Variants in NPY2R observed in about 807,000 individuals in gnomAD.
NPY2R encodes the protein neuropeptide Y receptor type 2.
In NPY2R, 17 loss-of-function variants were observed where a neutral mutation model predicts 22.3. The ratio of observed to expected loss-of-function variants is 0.76; its 90% CI spans 0.52 to 1.14. The LOEUF (loss-of-function observed/expected upper bound fraction) is 1.14, where lower values mean the gene tolerates loss of function less well. Among genes scored for constraint, NPY2R ranks in the 50% most tolerant of loss-of-function variants. The pLI, the probability that NPY2R is intolerant of heterozygous loss-of-function variation, is 0.00. For synonymous variants in NPY2R, 209 were observed against 183.4 expected (o/e 1.14, Z -1.13); for missense variants, 424 against 467.9 (o/e 0.91, Z 0.87).
At chr4:155,174,271 AGTGT>A in the NPY2R span, 3 of 151,836 alleles carry the variant, frequency 2.0e-5, no homozygotes, top group Admixed American at 6.6e-5. Context: ...AAAGAATTAA[AGTGT>A]ATATACCAGG....
the NPY2R span, among the ~76,000 whole-genome samples, chr4:155,189,417 C>T: frequency 6.6e-6 from 1 of 151,952 alleles, no homozygotes; most frequent in Non-Finnish European, 1.5e-5. Flanking sequence ...TCCTAGCCCC[C>T]ATCTGTTTGT....
chr4:155,206,817 T>G (rs1414028677), upstream of NPY2R: 1 of 152,254 alleles, frequency 6.6e-6, no homozygotes, highest in Non-Finnish European at 1.5e-5. Context: ...GATATTTGAT[T>G]TGTTTTTGTG....
At chr4:155,199,951 G>A in the NPY2R span, among the ~76,000 whole-genome samples, 2 of 152,132 alleles carry the variant, frequency 1.3e-5, no homozygotes, top group Admixed American at 6.5e-5. Context: ...ATAGGCATGG[G>A]CAAAGACTTC....
the NPY2R span, among the ~76,000 whole-genome samples, chr4:155,174,634 A>T: frequency 1.3e-5 from 2 of 151,932 alleles, no homozygotes; most frequent in East Asian, 3.9e-4. Context: ...GGGAACTAAA[A>T]TTATACATCC....
upstream of NPY2R, among the ~76,000 whole-genome samples, chr4:155,205,683 A>G (rs558173040): frequency 1.1e-4 from 16 of 152,304 alleles, no homozygotes; most frequent in East Asian, 3.1e-3. Flanking sequence ...GCATTGAGAA[A>G]TGGTCTATGG....
chr4:155,205,815 A>ATCTATCTG (rs1283828903), upstream of NPY2R, among the ~76,000 whole-genome samples: 2 of 149,508 alleles, frequency 1.3e-5, no homozygotes, highest in East Asian at 1.9e-4. Context: ...CTATCTATCT[A>ATCTATCTG]TCTATCTATC....
the NPY2R span, among the ~76,000 whole-genome samples, chr4:155,200,017 A>G: frequency 1.3e-5 from 2 of 152,064 alleles, no homozygotes; most frequent in African/African-American, 4.8e-5. Context: ...CATTAAACTA[A>G]AGAGCTTCTG....
chr4:155,182,084 T>C, the NPY2R span, among the ~76,000 whole-genome samples: 1 of 152,098 alleles, frequency 6.6e-6, no homozygotes, highest in Non-Finnish European at 1.5e-5. Context: ...AGAAAATAAC[T>C]AAAGGCTAAT....
chr4:155,174,882 A>G, the NPY2R span, among the ~76,000 whole-genome samples: 1 of 152,064 alleles, frequency 6.6e-6, no homozygotes, highest in African/African-American at 2.4e-5. Context: ...ATTTGACCAT[A>G]CTCATTTTTA....
chr4:155,203,098 A>G, the NPY2R span, among the ~76,000 whole-genome samples: 1 of 152,158 alleles, frequency 6.6e-6, no homozygotes, highest in African/African-American at 2.4e-5. Context: ...TCTCAGCAAC[A>G]TGCTGCATAT....
the NPY2R span, among the ~76,000 whole-genome samples, chr4:155,191,267 A>G: frequency 6.6e-6 from 1 of 151,916 alleles, no homozygotes; most frequent in Non-Finnish European, 1.5e-5. Context: ...ATGCGAACCT[A>G]GCTCCACATT....
chr4:155,179,572 T>C, the NPY2R span, among the ~76,000 whole-genome samples: 6 of 152,310 alleles, frequency 3.9e-5, no homozygotes, highest in African/African-American at 1.4e-4. Context: ...TTTTCAACTC[T>C]GGTTAGTGGC....
At chr4:155,187,153 C>A in the NPY2R span, among the ~76,000 whole-genome samples, 64 of 152,276 alleles carry the variant, frequency 4.2e-4, no homozygotes, top group Middle Eastern at 0.01. Flanking sequence ...TGTGCAGGCA[C>A]ACAGCTTGCA....
At chr4:155,213,634 C>T (rs115379288) in intron 1 of NPY2R, among the ~76,000 whole-genome samples, 44 of 152,244 alleles carry the variant, frequency 2.9e-4, no homozygotes, top group African/African-American at 4.1e-4. Context: ...TCTATACTAT[C>T]GGTATTATAC....
At chr4:155,193,276 A>G in the NPY2R span, among the ~76,000 whole-genome samples, 6 of 152,078 alleles carry the variant, frequency 3.9e-5, no homozygotes, top group East Asian at 7.8e-4. Context: ...TATGAAGCCC[A>G]GAGGACTTGT....
At chr4:155,209,599 C>T (rs1040416832) in intron 1 of NPY2R, among the ~76,000 whole-genome samples, 1 of 152,220 alleles carries the variant, frequency 6.6e-6, no homozygotes, top group Non-Finnish European at 1.5e-5. Flanking sequence ...AGGCTTCCCA[C>T]ACCCTTTGGT....
the NPY2R span, among the ~76,000 whole-genome samples, chr4:155,182,940 C>T: frequency 1.4e-3 from 220 of 152,062 alleles, no homozygotes; most frequent in African/African-American, 4.6e-3. Flanking sequence ...TTACAGGCGC[C>T]CATCACTATG....
At chr4:155,180,868 ATAGAT>A in the NPY2R span, among the ~76,000 whole-genome samples, 4 of 151,664 alleles carry the variant, frequency 2.6e-5, no homozygotes, top group Non-Finnish European at 5.9e-5. Flanking sequence ...TTATATATAA[ATAGAT>A]TATATGTGAT....
chr4:155,201,117 C>T, the NPY2R span, among the ~76,000 whole-genome samples: 1 of 152,202 alleles, frequency 6.6e-6, no homozygotes, highest in African/African-American at 2.4e-5. Flanking sequence ...AGACTATCAT[C>T]AATTCCTTCC....
Sources: allele counts gnomAD v4.1 joint callset (sites outside exome capture counted in the v4.1 genomes callset), GRCh38; gene constraint gnomAD v4.1.1; transcripts MANE v1.5; gene names NCBI Gene and HGNC (gene_info 2026-07-23, HGNC 2026-07-21).